The following TUSC3 variants were observed in gnomAD, a reference collection of about 807,000 sequenced individuals.
TUSC3 encodes the protein tumor suppressor candidate 3, also known as dolichyl-diphosphooligosaccharide--protein glycosyltransferase subunit TUSC3.
A neutral mutation model predicts 44.8 loss-of-function variants in TUSC3; 45 were observed. That is an observed-to-expected ratio of 1.00 (90% confidence interval 0.79 to 1.29). The LOEUF is 1.29. TUSC3 is among the 50% of genes most tolerant of loss of function. TUSC3 has a pLI of 0.00. For synonymous variants in TUSC3, 212 were observed against 152.9 expected (o/e 1.39, Z -2.85); for missense variants, 519 against 437.9 (o/e 1.19, Z -1.65).
At chr8:15,505,361 C>T (rs1029496684) in intron 2 of TUSC3, among the ~76,000 whole-genome samples, 1 of 152,168 alleles carries the variant, frequency 6.6e-6, no homozygotes, top group African/African-American at 2.4e-5. Context: ...GGCATTGTGC[C>T]AAGTCTTGTC....
chr8:15,568,878 AT>A (rs1484772622), intron 1 of TUSC3, among the ~76,000 whole-genome samples: 3 of 151,096 alleles, frequency 2.0e-5, no homozygotes, highest in Admixed American at 6.6e-5. Flanking sequence ...ATTATCATTT[AT>A]TTTTTTTTCC....
chr8:15,852,034 A>G, the TUSC3 span, among the ~76,000 whole-genome samples: 1 of 152,030 alleles, frequency 6.6e-6, no homozygotes, highest in Non-Finnish European at 1.5e-5. Flanking sequence ...CATGATTATG[A>G]GGCCTCCCCA....
At position 15,673,837 on chromosome 8, in the gene TUSC3, G is replaced by A; in HGVS notation, c.798+1G>A. On this transcript the variant is annotated splice_donor_variant, in intron 6 of 10. Coordinates refer to ENST00000503731, the MANE Select transcript of TUSC3 (RefSeq NM_006765.4). LOFTEE classifies it high-confidence loss of function. ...TAAGAACCCACACAATGGACAAGTGGTAAGTGTAATTTATAAGCATGAATA... is the reference window on the plus strand; with the variant it reads ...TAAGAACCCACACAATGGACAAGTGATAAGTGTAATTTATAAGCATGAATA... 1 of 1,610,166 alleles carries A rather than the reference G, an allele frequency of 6.2e-7. No individual in the cohort carries two copies. The highest frequency in any genetic ancestry group is 8.5e-7 in the Non-Finnish European group (1 of 1,176,948).
chr8:15,575,735 C>T (rs1425932561), intron 1 of TUSC3, among the ~76,000 whole-genome samples: 1 of 152,090 alleles, frequency 6.6e-6, no homozygotes, highest in Admixed American at 6.6e-5. Context: ...CCACTGCACT[C>T]CAGCTTGGGT....
the TUSC3 span, among the ~76,000 whole-genome samples, chr8:15,814,889 A>G: frequency 6.6e-6 from 1 of 152,224 alleles, no homozygotes; most frequent in South Asian, 2.1e-4. Flanking sequence ...TATACTTCAT[A>G]GTAAAGTTCC....
chr8:15,709,391 A>G (rs1027374828), intron 6 of TUSC3, among the ~76,000 whole-genome samples: 7 of 151,902 alleles, frequency 4.6e-5, no homozygotes, highest in Non-Finnish European at 8.8e-5. Flanking sequence ...TAGATTTTGT[A>G]TATTTTGACT....
chr8:15,696,396 A>G (rs1430858697), intron 6 of TUSC3, among the ~76,000 whole-genome samples: 1 of 152,142 alleles, frequency 6.6e-6, no homozygotes, highest in African/African-American at 2.4e-5. Flanking sequence ...ATTTCAGAGG[A>G]TGTATGGAAA....
At chr8:15,515,355 C>G (rs747100944) in intron 2 of TUSC3, among the ~76,000 whole-genome samples, 7 of 152,158 alleles carry the variant, frequency 4.6e-5, no homozygotes, top group South Asian at 4.1e-4. Flanking sequence ...ACATGGTCCA[C>G]TGAAGAATGA....
chr8:15,819,640 T>C, the TUSC3 span, among the ~76,000 whole-genome samples: 1 of 152,244 alleles, frequency 6.6e-6, no homozygotes, highest in African/African-American at 2.4e-5. Flanking sequence ...TGTAAGTCTT[T>C]TGATGCCTTG....
the TUSC3 span, among the ~76,000 whole-genome samples, chr8:15,847,176 G>A: frequency 1.3e-5 from 2 of 152,312 alleles, no homozygotes; most frequent in South Asian, 4.1e-4. Context: ...GGAGAGGCAG[G>A]GGAAGGACTT....
At chr8:15,652,320 A>C (rs1395895136) in intron 3 of TUSC3, among the ~76,000 whole-genome samples, 3 of 152,100 alleles carry the variant, frequency 2.0e-5, no homozygotes, top group Non-Finnish European at 4.4e-5. Context: ...ACTTATTTGC[A>C]TCCAGATTAT....
At chr8:15,563,685 C>CCAAAAAAAAAA (rs1802561539) in intron 1 of TUSC3, among the ~76,000 whole-genome samples, 1 of 79,974 alleles carries the variant, frequency 1.3e-5, no homozygotes, top group Non-Finnish European at 2.2e-5. Context: ...GCCTCCATCT[C>CCAAAAAAAAAA]AAAAAAAAAA....
At chr8:15,517,599 A>G (rs961651214) in intron 2 of TUSC3, among the ~76,000 whole-genome samples, 1 of 143,478 alleles carries the variant, frequency 7.0e-6, no homozygotes, top group African/African-American at 2.6e-5. Flanking sequence ...CTGTTGGATG[A>G]GTGTACTTCC....
At chr8:15,423,370 A>C (rs1178268855) in intron 1 of TUSC3, among the ~76,000 whole-genome samples, 2 of 152,198 alleles carry the variant, frequency 1.3e-5, no homozygotes, top group African/African-American at 4.8e-5. Flanking sequence ...TCTGAATGTC[A>C]AGGTCAACCT....
At chr8:15,806,491 AT>A in the TUSC3 span, 21 of 1,012,940 alleles carry the variant, frequency 2.1e-5, no homozygotes, top group East Asian at 4.8e-4. Context: ...CGACTATTTC[AT>A]TGTAAACTTT....
the TUSC3 span, among the ~76,000 whole-genome samples, chr8:15,802,576 C>T: frequency 2.0e-5 from 3 of 152,144 alleles, no homozygotes; most frequent in Admixed American, 6.5e-5. Context: ...TGCACGCCAC[C>T]GTGCCCAGCT....
At chr8:15,516,602 A>T (rs1277784187) in intron 2 of TUSC3, among the ~76,000 whole-genome samples, 1 of 152,152 alleles carries the variant, frequency 6.6e-6, no homozygotes, top group African/African-American at 2.4e-5. Flanking sequence ...CCCTCCTCGA[A>T]ATGCTTGTTT....
intron 6 of TUSC3, among the ~76,000 whole-genome samples, chr8:15,683,437 T>G (rs140866930): frequency 6.6e-6 from 1 of 152,224 alleles, no homozygotes; most frequent in East Asian, 1.9e-4. Context: ...TAGTCTATTG[T>G]TAAGACTTCC....
At chr8:15,686,278 G>C (rs1313168019) in intron 6 of TUSC3, among the ~76,000 whole-genome samples, 1 of 152,086 alleles carries the variant, frequency 6.6e-6, no homozygotes, top group Non-Finnish European at 1.5e-5. Flanking sequence ...TGCGTAGGCT[G>C]TAACTCCCAC....
Sources: gnomAD v4.1 joint callset for allele counts (sites outside exome capture counted in the v4.1 genomes callset) on GRCh38, gnomAD v4.1.1 for gene constraint, MANE v1.5 for transcripts, NCBI Gene and HGNC (gene_info 2026-07-23, HGNC 2026-07-21) for gene names.